ENTPD1: variants seen among roughly 807,000 people sequenced by gnomAD.
ENTPD1 encodes the protein ectonucleoside triphosphate diphosphohydrolase 1, also known as ATP diphosphohydrolase.
ENTPD1 carries 33 observed loss-of-function variants against 57.0 expected under a neutral mutation model. The observed-to-expected ratio is 0.58, with a 90% CI of 0.44 to 0.77. ENTPD1 has a LOEUF of 0.77. ENTPD1 is among the 30% of genes least tolerant of loss of function. The probability of loss-of-function intolerance (pLI) is 0.00; values close to 1 mark genes in which losing one functional copy is unlikely to be tolerated. For synonymous variants in ENTPD1, 202 were observed against 218.8 expected, an observed-to-expected ratio of 0.92 and a Z score of 0.68; for missense variants, 501 against 603.4, an observed-to-expected ratio of 0.83 and a Z score of 1.78.
intron 2 of ENTPD1, among the ~76,000 whole-genome samples, chr10:95,828,716 T>TTC (rs1224531822): frequency 6.6e-6 from 1 of 151,622 alleles, no homozygotes; most frequent in Non-Finnish European, 1.5e-5. Context: ...CCCATTTTTT[T>TTC]TTTTTTTTTT....
At chr10:95,817,298 C>T (rs920078999) in intron 1 of ENTPD1, among the ~76,000 whole-genome samples, 2 of 152,196 alleles carry the variant, frequency 1.3e-5, no homozygotes, top group African/African-American at 4.8e-5. Context: ...TTGGCACAAG[C>T]TCTGCTCTGA....
exon 1 of ENTPD1, chr10:95,711,937 C>T (rs1376113776): frequency 1.2e-6 from 2 of 1,612,748 alleles, no homozygotes; most frequent in Non-Finnish European, 1.7e-6. Context: ...CAAAGCTGCT[C>T]TGTTCTTCTG....
At chr10:95,813,902 A>G (rs2098319499) in intron 1 of ENTPD1, among the ~76,000 whole-genome samples, 1 of 152,164 alleles carries the variant, frequency 6.6e-6, no homozygotes, top group South Asian at 2.1e-4. Flanking sequence ...TTCCACTATT[A>G]TCCAGCACTA....
chr10:95,858,577 T>C (rs903745300), intron 7 of ENTPD1, among the ~76,000 whole-genome samples: 1 of 151,958 alleles, frequency 6.6e-6, no homozygotes, highest in African/African-American at 2.4e-5. Context: ...CCACACGAGA[T>C]GATAGTGGCT....
At chr10:95,768,106 G>A (rs1208357698) in intron 1 of ENTPD1, among the ~76,000 whole-genome samples, 1 of 152,210 alleles carries the variant, frequency 6.6e-6, no homozygotes, top group Admixed American at 6.5e-5. Context: ...ATAAACTTCT[G>A]TTGTTTATAA....
chr10:95,731,878 G>T (rs1258580225), intron 1 of ENTPD1, among the ~76,000 whole-genome samples: 1 of 142,282 alleles, frequency 7.0e-6, no homozygotes, highest in Non-Finnish European at 1.5e-5. Flanking sequence ...CGCCTCCTGG[G>T]TTCAAGCTAT....
chr10:95,812,628 G>A (rs1023172473), intron 1 of ENTPD1, among the ~76,000 whole-genome samples: 1 of 152,144 alleles, frequency 6.6e-6, no homozygotes, highest in Admixed American at 6.5e-5. Flanking sequence ...TCAATTTTAT[G>A]GTGAGTTTTT....
At chr10:95,702,005 G>T in the ENTPD1 span, among the ~76,000 whole-genome samples, 1 of 151,362 alleles carries the variant, frequency 6.6e-6, no homozygotes, top group East Asian at 1.9e-4. Context: ...TTACAATTTA[G>T]TAAGCAAACA....
At chr10:95,837,023 T>C (rs2098411489) in intron 2 of ENTPD1, among the ~76,000 whole-genome samples, 1 of 152,206 alleles carries the variant, frequency 6.6e-6, no homozygotes, top group Non-Finnish European at 1.5e-5. Flanking sequence ...CAAGATGAAA[T>C]GTCTTCAATT....
chr10:95,851,062 A>G (rs1673727837), intron 7 of ENTPD1, among the ~76,000 whole-genome samples: 1 of 152,224 alleles, frequency 6.6e-6, no homozygotes, highest in Non-Finnish European at 1.5e-5. Flanking sequence ...CTAACAAGAA[A>G]GAGGGAACAT....
At chr10:95,832,012 G>C (rs2098398071) in intron 2 of ENTPD1, among the ~76,000 whole-genome samples, 1 of 152,202 alleles carries the variant, frequency 6.6e-6, no homozygotes, top group Non-Finnish European at 1.5e-5. Context: ...ATAGTATAAT[G>C]AGGGAGATAA....
intron 6 of ENTPD1, 25 bp from the exon 7 acceptor site, chr10:95,847,421 G>A (rs1235431268): frequency 1.2e-6 from 2 of 1,613,860 alleles, no homozygotes; most frequent in African/African-American, 2.7e-5. Context: ...CACACATGAT[G>A]CTTTCAAGTG....
rs968497888 is a variant in ENTPD1 at position 95,870,006 on chromosome 10, C to T, written c.*3623C>T. On this transcript the variant is annotated 3_prime_UTR_variant, in exon 10 of 10. Transcript: ENST00000371205. ...GTTTAAAAGACACAGGAACTAAGCCCTCATTGTCTTTCCCTTGGGAGGTAG... is the reference window on the plus strand; with the variant it reads ...GTTTAAAAGACACAGGAACTAAGCCTTCATTGTCTTTCCCTTGGGAGGTAG... 2.2e-5 allele frequency: 22 copies of T among 985,298 alleles called. No homozygotes were observed. The African/African-American group carries it at 3.7e-4, about 16-fold the overall frequency. The allele number at this position is 985,298 out of a possible 1,614,324, so 61.0% of individuals were successfully genotyped here. A position where few individuals can be genotyped will look rare whatever the true frequency, so the allele number is the denominator to read the frequency against.
In ENTPD1 at chr10:95,867,725, GT is replaced by G. The variant is rs1351305449; in HGVS notation, c.*1343del. On this transcript the variant is annotated 3_prime_UTR_variant, in exon 10 of 10. Transcript: ENST00000371205. ...GTTACCTGTTGAGCAGGATTGACTGGTGATGTTTCATTCTGACCTTGTCCCA... is the reference window on the plus strand; with the variant it reads ...GTTACCTGTTGAGCAGGATTGACTGGGATGTTTCATTCTGACCTTGTCCCA... The G allele has an allele frequency of 1.4e-5, 14 of 985,294 alleles. No homozygotes were observed. Among genetic ancestry groups the G allele is most frequent in the Non-Finnish European group, 1.6e-5 (13 of 829,944 alleles). 61.0% of individuals were successfully genotyped at this position (985,294 alleles called of 1,614,324 possible). A position where few individuals can be genotyped will look rare whatever the true frequency, so the allele number is the denominator to read the frequency against.
chr10:95,802,156 G>A (rs1480726928), intron 1 of ENTPD1, among the ~76,000 whole-genome samples: 1 of 152,120 alleles, frequency 6.6e-6, no homozygotes, highest in Admixed American at 6.5e-5. Context: ...GAAATACATT[G>A]GTTTGTTTCA....
At chr10:95,723,902 C>G (rs183586347) in intron 1 of ENTPD1, among the ~76,000 whole-genome samples, 3 of 152,034 alleles carry the variant, frequency 2.0e-5, no homozygotes, top group African/African-American at 7.2e-5. Context: ...TGGCTCACGC[C>G]TGTAATCCCA....
chr10:95,724,654 C>T (rs2097981698), intron 1 of ENTPD1, among the ~76,000 whole-genome samples: 1 of 152,174 alleles, frequency 6.6e-6, no homozygotes, highest in Non-Finnish European at 1.5e-5. Context: ...GCAATGGGCA[C>T]CTCGCTGGAT....
chr10:95,746,519 G>C (rs562361777), intron 1 of ENTPD1, among the ~76,000 whole-genome samples: 86 of 152,246 alleles, frequency 5.6e-4, no homozygotes, highest in African/African-American at 1.9e-3. Flanking sequence ...AATCTCTGAG[G>C]GTTGGGATGG....
At position 95,873,494 on chromosome 10, in the gene ENTPD1, G is replaced by A. The variant is rs1468164370; in HGVS notation, c.*7111G>A. 2 of 985,290 alleles carry A rather than the reference G, an allele frequency of 2.0e-6. No individual in the cohort carries two copies. The highest frequency in any genetic ancestry group is 2.4e-6 in the Non-Finnish European group (2 of 829,980). The allele number at this position is 985,290 out of a possible 1,614,324, so 61.0% of individuals were successfully genotyped here. ...TGCCCTGGTCTTCAGTGTATTAGAT[G>A]TATTACCTCCATGCTCTCAGTAGAG... On this transcript the variant is annotated 3_prime_UTR_variant, in exon 10 of 10. Transcript: ENST00000371205.
Sources: gnomAD v4.1 joint callset for allele counts (sites outside exome capture counted in the v4.1 genomes callset) on GRCh38, gnomAD v4.1.1 for gene constraint, MANE v1.5 for transcripts, NCBI Gene and HGNC (gene_info 2026-07-23, HGNC 2026-07-21) for gene names.